Variants in LDB2 observed in about 807,000 individuals in gnomAD.
The protein encoded by LDB2 is LIM domain-binding protein 2.
LDB2 carries 12 observed loss-of-function variants against 44.3 expected under a neutral mutation model. That is an observed-to-expected ratio of 0.27 (90% CI 0.17 to 0.44). The LOEUF is 0.44. Ranked by LOEUF, LDB2 falls within the 20% of genes least tolerant of loss-of-function variation. The pLI is 1.00. For missense variants in LDB2, 344 were observed against 473.5 expected, an observed-to-expected ratio of 0.73 and a Z score of 2.54; for synonymous variants, 164 against 174.8, an observed-to-expected ratio of 0.94 and a Z score of 0.49.
chr4:16,797,677 C>T (rs899510064), intron 1 of LDB2, among the ~76,000 whole-genome samples: 4 of 151,954 alleles, frequency 2.6e-5, no homozygotes, highest in Admixed American at 1.3e-4. Context: ...CTCTGAGCTT[C>T]GTGGTTAATA....
intron 1 of LDB2, among the ~76,000 whole-genome samples, chr4:16,834,758 C>T (rs1055880721): frequency 3.3e-5 from 5 of 151,032 alleles, no homozygotes; most frequent in Non-Finnish European, 5.9e-5. Context: ...ACCCCGGAGT[C>T]GGAGTTTGCA....
intron 1 of LDB2, among the ~76,000 whole-genome samples, chr4:16,824,069 GAAT>G (rs761779691): frequency 6.6e-6 from 1 of 152,192 alleles, no homozygotes; most frequent in Non-Finnish European, 1.5e-5. Context: ...GCAAATTTAG[GAAT>G]AAAAGTACTG....
At chr4:16,699,883 G>A (rs1194572324) in intron 2 of LDB2, among the ~76,000 whole-genome samples, 3 of 152,076 alleles carry the variant, frequency 2.0e-5, no homozygotes, top group South Asian at 4.1e-4. Context: ...CACTTAGAAC[G>A]CATGTACAGT....
At position 16,568,108 on chromosome 4, in the gene LDB2, C is replaced by T. The variant is rs376345465; in HGVS notation, c.615+17814G>A. 1.7e-4 allele frequency among the ~76,000 whole-genome samples: 26 copies of T among 152,228 alleles called. No individual in the cohort carries two copies. The East Asian group carries it at 2.7e-3, about 16-fold the overall frequency. On this transcript the variant is annotated intron_variant, in intron 5 of 7. Transcript: ENST00000304523. ...TTAACAATCTTTGACCTGAAAAAAA[C>T]AGCAATTCCATATAATTCAATCCAA... is the stretch of plus-strand genomic sequence containing the variant.
chr4:16,868,386 G>A (rs894818956), intron 1 of LDB2, among the ~76,000 whole-genome samples: 2 of 152,140 alleles, frequency 1.3e-5, no homozygotes, highest in Non-Finnish European at 2.9e-5. Flanking sequence ...AACATCTGCT[G>A]ACGGGGGTGT....
intron 5 of LDB2, among the ~76,000 whole-genome samples, chr4:16,532,756 A>C (rs2152306492): frequency 6.6e-6 from 1 of 152,304 alleles, no homozygotes; most frequent in Admixed American, 6.5e-5. Flanking sequence ...ATGGTTCCCC[A>C]AACCCAATGC....
At chr4:16,729,366 G>A (rs906385981) in intron 2 of LDB2, among the ~76,000 whole-genome samples, 2 of 151,982 alleles carry the variant, frequency 1.3e-5, no homozygotes, top group African/African-American at 4.8e-5. Context: ...ACAGGGGATC[G>A]GCCACAGTAA....
At chr4:16,505,132 A>C (rs974335620) in intron 7 of LDB2, among the ~76,000 whole-genome samples, 1 of 152,234 alleles carries the variant, frequency 6.6e-6, no homozygotes, top group Non-Finnish European at 1.5e-5. Flanking sequence ...AACAACAATC[A>C]TTGAAGAAAA....
chr4:16,545,016 C>A (rs539788926), intron 5 of LDB2, among the ~76,000 whole-genome samples: 45 of 152,108 alleles, frequency 3.0e-4, no homozygotes, highest in African/African-American at 1.0e-3. Flanking sequence ...GGAGGAGAAC[C>A]AAGACAGCAT....
intron 7 of LDB2, chr4:16,505,816 AT>A: frequency 6.6e-7 from 1 of 1,522,946 alleles, no homozygotes; most frequent in South Asian, 1.3e-5. Flanking sequence ...CTTCTCACTA[AT>A]CCCCCGTGCA....
At chr4:16,560,465 A>G (rs558486695) in intron 5 of LDB2, among the ~76,000 whole-genome samples, 1 of 152,356 alleles carries the variant, frequency 6.6e-6, no homozygotes, top group South Asian at 2.1e-4. Context: ...TAGAAAATCT[A>G]GAAGAAATGG....
At chr4:16,599,473 T>G (rs2152446746) in intron 2 of LDB2, among the ~76,000 whole-genome samples, 1 of 152,182 alleles carries the variant, frequency 6.6e-6, no homozygotes, top group Non-Finnish European at 1.5e-5. Flanking sequence ...CATCTCAAGA[T>G]CCTTAACTTA....
chr4:16,586,387 A>G (rs963519529), intron 4 of LDB2, among the ~76,000 whole-genome samples: 8 of 151,980 alleles, frequency 5.3e-5, no homozygotes, highest in African/African-American at 1.9e-4. Context: ...GGGCAGATCC[A>G]TGCTTCAGGA....
At chr4:16,778,481 T>C (rs1038049628) in intron 1 of LDB2, among the ~76,000 whole-genome samples, 2 of 152,140 alleles carry the variant, frequency 1.3e-5, no homozygotes, top group African/African-American at 4.8e-5. Flanking sequence ...ACTGCCACCA[T>C]CTCTCCGCTT....
At chr4:16,876,041 C>T (rs1580412917) in intron 1 of LDB2, among the ~76,000 whole-genome samples, 1 of 152,184 alleles carries the variant, frequency 6.6e-6, no homozygotes, top group Non-Finnish European at 1.5e-5. Context: ...GGCCATGTCC[C>T]ATGTCCCTGG....
chr4:16,875,176 GAAAC>G (rs1208274418), intron 1 of LDB2, among the ~76,000 whole-genome samples: 1 of 152,090 alleles, frequency 6.6e-6, no homozygotes, highest in Non-Finnish European at 1.5e-5. Context: ...AGTGTCTGGG[GAAAC>G]ATAAGAGAAT....
chr4:16,862,770 C>A (rs1713130723), intron 1 of LDB2, among the ~76,000 whole-genome samples: 1 of 151,554 alleles, frequency 6.6e-6, no homozygotes, highest in East Asian at 1.9e-4. Context: ...CAGTTTCCCA[C>A]GGGAATATAA....
In LDB2 at chr4:16,502,832, C is replaced by G. The variant is rs1202624960; in HGVS notation, c.933G>C (p.Glu311Asp). The G allele has an allele frequency of 3.1e-6, 5 of 1,614,110 alleles. No homozygotes were observed. The highest frequency in any genetic ancestry group is 1.3e-5 in the African/African-American group (1 of 75,054). ...VVGEPTLMGG[E>D]FGDEDERLIT... is the part of the protein sequence containing the mutation. The stretch of plus-strand genomic sequence containing the variant: ...TTAGCCTTTCGTCCTCGTCCCCAAA[C>G]TCACCTCCCATCAGAGTTGGCTCTC... The change falls in exon 8 of 8, where the codon GAG becomes GAC. Residue 311 changes from glutamate (E) to aspartate (D), a missense_variant. By Grantham distance (45) the Glu-to-Asp change is conservative (BLOSUM62 2). This residue lies in a region of LDB2 where 86 missense variants were observed against 171.2 expected (regional missense o/e 0.50). Transcript: ENST00000304523.
At chr4:16,851,622 AG>A (rs1447381459) in intron 1 of LDB2, among the ~76,000 whole-genome samples, 1 of 152,110 alleles carries the variant, frequency 6.6e-6, no homozygotes, top group African/African-American at 2.4e-5. Flanking sequence ...AAGAAAAAAA[AG>A]AAAATTCCAG....
Sources: gnomAD v4.1 joint callset for allele counts (sites outside exome capture counted in the v4.1 genomes callset) on GRCh38, gnomAD v4.1.1 for gene constraint, gnomAD v4.1.1 regional missense constraint, MANE v1.5 for transcripts, NCBI Gene and HGNC (gene_info 2026-07-23, HGNC 2026-07-21) for gene names.